Variants in GRIA4 observed in about 807,000 individuals in gnomAD.
GRIA4 encodes the protein glutamate ionotropic receptor AMPA type subunit 4.
GRIA4 carries 34 observed loss-of-function variants against 104.0 expected under a neutral mutation model. That is an observed-to-expected ratio of 0.33 (90% confidence interval 0.25 to 0.44). The LOEUF is 0.44. Among genes scored for constraint, GRIA4 ranks in the 20% least tolerant of loss-of-function variants. The pLI, the probability that GRIA4 is intolerant of heterozygous loss-of-function variation, is 1.00. For missense variants in GRIA4, 750 were observed against 1,096.5 expected, an observed-to-expected ratio of 0.68 and a Z score of 4.46; for synonymous variants, 386 against 381.9, an observed-to-expected ratio of 1.01 and a Z score of -0.13.
At chr11:105,969,575 C>A (rs1371245361) in intron 14 of GRIA4, among the ~76,000 whole-genome samples, 1 of 152,138 alleles carries the variant, frequency 6.6e-6, no homozygotes, top group African/African-American at 2.4e-5. Flanking sequence ...ATCTTATTCA[C>A]AATTTTGCCT....
At chr11:105,618,347 A>G (rs1950653246) in intron 3 of GRIA4, among the ~76,000 whole-genome samples, 1 of 152,016 alleles carries the variant, frequency 6.6e-6, no homozygotes, top group Non-Finnish European at 1.5e-5. Flanking sequence ...GGTACAAAAG[A>G]CCAGTTGACT....
intron 9 of GRIA4, among the ~76,000 whole-genome samples, chr11:105,908,614 C>A (rs637494): frequency 0.99 from 147,197 of 148,116 alleles, 73,139 homozygotes; most frequent in Middle Eastern, 1. Context: ...GGTATAAGGC[C>A]AAAAAAAAAA....
At chr11:105,633,987 T>A (rs1056604957) in intron 3 of GRIA4, among the ~76,000 whole-genome samples, 1 of 152,114 alleles carries the variant, frequency 6.6e-6, no homozygotes, top group Non-Finnish European at 1.5e-5. Context: ...TCTTCCTAAG[T>A]CTCAGTTTCC....
intron 4 of GRIA4, among the ~76,000 whole-genome samples, chr11:105,788,440 C>G (rs768070333): frequency 1.3e-5 from 2 of 152,064 alleles, no homozygotes; most frequent in Non-Finnish European, 2.9e-5. Context: ...ACAGCTGCAA[C>G]GTATGTTTAT....
chr11:105,880,501 T>G (rs532347954), intron 5 of GRIA4, among the ~76,000 whole-genome samples: 1 of 152,304 alleles, frequency 6.6e-6, no homozygotes, highest in Admixed American at 6.5e-5. Context: ...ATATCTCTTG[T>G]AGGGCACTCA....
At chr11:105,883,310 G>C (rs2136086360) in intron 5 of GRIA4, among the ~76,000 whole-genome samples, 1 of 150,384 alleles carries the variant, frequency 6.6e-6, no homozygotes, top group East Asian at 2.0e-4. Flanking sequence ...TAAGTTCTAG[G>C]GTACATGTGC....
In GRIA4 at chr11:105,890,624, T is replaced by C. The variant is rs557832153; in HGVS notation, c.726+3052T>C. On this transcript the variant is annotated intron_variant, in intron 6 of 16. Coordinates refer to ENST00000282499, the MANE Select transcript of GRIA4 (RefSeq NM_000829.4). ...AGCTTTTGGAGCTATTGCAGTGTAC[T>C]GGCATCTCACCTCCAACCAGGCCAA... 2.0e-5 allele frequency among the ~76,000 whole-genome samples: 3 copies of C among 152,328 alleles called. No individual in the cohort carries two copies. The East Asian group carries it at 5.8e-4, about 29-fold the overall frequency.
intron 3 of GRIA4, among the ~76,000 whole-genome samples, chr11:105,729,264 AAATTACTGAAT>A (rs145218604): frequency 0.01 from 1,573 of 152,336 alleles, 18 homozygotes; most frequent in Non-Finnish European, 0.016. Flanking sequence ...GGAAATGGAT[AAATTACTGAAT>A]ATATACACCC....
chr11:105,644,166 G>T (rs776786639), intron 3 of GRIA4, among the ~76,000 whole-genome samples: 3 of 152,208 alleles, frequency 2.0e-5, no homozygotes, highest in South Asian at 2.1e-4. Context: ...GAAAAAAAAT[G>T]TGTGGTGGGA....
At chr11:105,741,600 A>G (rs1939310825) in intron 3 of GRIA4, among the ~76,000 whole-genome samples, 2 of 152,134 alleles carry the variant, frequency 1.3e-5, no homozygotes, top group Admixed American at 1.3e-4. Context: ...TGTTCCAAGA[A>G]GGGAAGTGGC....
intron 14 of GRIA4, among the ~76,000 whole-genome samples, chr11:105,956,040 A>G (rs1176481915): frequency 6.6e-6 from 1 of 152,126 alleles, no homozygotes; most frequent in African/African-American, 2.4e-5. Flanking sequence ...TCAGACGGGT[A>G]GATTGCAAAA....
At chr11:105,720,259 C>T (rs1486681519) in intron 3 of GRIA4, among the ~76,000 whole-genome samples, 1 of 151,718 alleles carries the variant, frequency 6.6e-6, no homozygotes, top group African/African-American at 2.4e-5. Flanking sequence ...GCCCACGTGT[C>T]TACATAGCAA....
intron 5 of GRIA4, among the ~76,000 whole-genome samples, chr11:105,874,251 A>T (rs1442482140): frequency 6.6e-6 from 1 of 151,328 alleles, no homozygotes; most frequent in Non-Finnish European, 1.5e-5. Context: ...ATTTCTGAGG[A>T]CTCTGTTCTG....
At chr11:105,817,241 C>T (rs561145183) in intron 4 of GRIA4, among the ~76,000 whole-genome samples, 3 of 151,110 alleles carry the variant, frequency 2.0e-5, no homozygotes, top group South Asian at 4.2e-4. Context: ...TTTTCTCAAA[C>T]TTACTCAGTG....
intron 4 of GRIA4, among the ~76,000 whole-genome samples, chr11:105,813,115 A>AG (rs1943245373): frequency 2.0e-5 from 3 of 148,568 alleles, no homozygotes; most frequent in African/African-American, 7.4e-5. Context: ...AAAAAAAAAA[A>AG]GAAGAAAGAA....
intron 3 of GRIA4, among the ~76,000 whole-genome samples, chr11:105,727,654 C>G (rs962269797): frequency 6.6e-6 from 1 of 152,120 alleles, no homozygotes; most frequent in Non-Finnish European, 1.5e-5. Context: ...CAAAGGGAAG[C>G]CCATCAGACT....
At chr11:105,662,330 C>T (rs1366622977) in intron 3 of GRIA4, among the ~76,000 whole-genome samples, 1 of 151,744 alleles carries the variant, frequency 6.6e-6, no homozygotes, top group Non-Finnish European at 1.5e-5. Flanking sequence ...CCTAGGTCTG[C>T]CTGTTTCTAA....
intron 10 of GRIA4, among the ~76,000 whole-genome samples, chr11:105,917,537 T>C (rs1947439800): frequency 6.6e-6 from 1 of 152,172 alleles, no homozygotes; most frequent in African/African-American, 2.4e-5. Context: ...ATGAACTTTC[T>C]GGGGAAAAAG....
intron 5 of GRIA4, among the ~76,000 whole-genome samples, chr11:105,866,549 GTGTATATATATATATATATA>G (rs1323598532): frequency 1.3e-5 from 1 of 78,268 alleles, no homozygotes; most frequent in African/African-American, 4.5e-5. Flanking sequence ...GTGTGTGTGT[GTGTATATATATATATATATA>G]TATATATATA....
Sources: allele counts gnomAD v4.1 joint callset (sites outside exome capture counted in the v4.1 genomes callset), GRCh38; gene constraint gnomAD v4.1.1; transcripts MANE v1.5; gene names NCBI Gene and HGNC (gene_info 2026-07-23, HGNC 2026-07-21).